OAS2: variants seen among roughly 807,000 people sequenced by gnomAD.
OAS2 encodes 2'-5'-oligoadenylate synthase 2.
OAS2 carries 67 observed loss-of-function variants against 71.3 expected under a neutral mutation model. That is an observed-to-expected ratio of 0.94 (90% CI 0.77 to 1.15). The LOEUF is 1.15. OAS2 is among the 50% of genes most tolerant of loss of function. The pLI, the probability that OAS2 is intolerant of heterozygous loss-of-function variation, is 0.00. For synonymous variants in OAS2, 327 were observed against 321.8 expected, an observed-to-expected ratio of 1.02 and a Z score of -0.17; for missense variants, 789 against 822.5, an observed-to-expected ratio of 0.96 and a Z score of 0.50.
intron 1 of OAS2, among the ~76,000 whole-genome samples, chr12:112,983,198 T>C (rs190830297): frequency 1.3e-5 from 2 of 152,256 alleles, no homozygotes; most frequent in East Asian, 3.9e-4. Context: ...TCTTTCCTTC[T>C]ACTAATTTTA....
intron 1 of OAS2, among the ~76,000 whole-genome samples, chr12:112,980,507 T>A (rs550970416): frequency 6.6e-6 from 1 of 152,354 alleles, no homozygotes; most frequent in South Asian, 2.1e-4. Context: ...TTTCTATGCC[T>A]GACTTATTTC....
At chr12:113,006,297 T>C in intron 7 of OAS2, 116 bp from the exon 8 acceptor site, 1 of 858,328 alleles carries the variant, frequency 1.2e-6, no homozygotes, top group Non-Finnish European at 1.7e-6. Flanking sequence ...CTTTTAAATA[T>C]GCTAATACTA....
At chr12:112,989,304 T>C (rs1182519288) in intron 2 of OAS2, among the ~76,000 whole-genome samples, 1 of 152,192 alleles carries the variant, frequency 6.6e-6, no homozygotes, top group African/African-American at 2.4e-5. Context: ...TCCCCAACCA[T>C]GTGGAACTGT....
At chr12:112,992,404 A>C (rs1418170839) in intron 2 of OAS2, among the ~76,000 whole-genome samples, 1 of 150,856 alleles carries the variant, frequency 6.6e-6, no homozygotes, top group Non-Finnish European at 1.5e-5. Flanking sequence ...AAAAAAAAAA[A>C]AGAAAGAAAG....
chr12:113,009,198 C>T lies in OAS2; in HGVS notation c.2007C>T (p.Phe669=). 1 of 1,614,080 alleles carries T rather than the reference C, an allele frequency of 6.2e-7. No individual in the cohort carries two copies. The highest frequency in any genetic ancestry group is 1.1e-5 in the South Asian group (1 of 91,078). ...AGGAATGGTTATCCTCTCCCTGCTTCAAGGATGGGACTGGAAACCCAATAC... is the reference window on the plus strand; with the variant it reads ...AGGAATGGTTATCCTCTCCCTGCTTTAAGGATGGGACTGGAAACCCAATAC... ...EAKEWLSSPC[F]KDGTGNPIPP... The change falls in exon 10 of 10, where the codon TTC becomes TTT. Residue 669 remains phenylalanine (F), a synonymous_variant. Transcript: ENST00000392583.
rs2044365699 is a variant in OAS2 at position 113,009,968 on chromosome 12, ATACT to A, written c.*718_*721del. 2.8e-5 allele frequency: 28 copies of A among 985,182 alleles called. 1 individual carries two copies. The South Asian group carries it at 1.2e-3, about 43-fold the overall frequency. The allele number at this position is 985,182 out of a possible 1,614,324, so 61.0% of individuals were successfully genotyped here. A position where few individuals can be genotyped will look rare whatever the true frequency, so the allele number is the denominator to read the frequency against. On this transcript the variant is annotated 3_prime_UTR_variant, in exon 10 of 10. Transcript: ENST00000392583. Reference sequence around the variant, plus strand: ...TTTAAAGCAGGATTTCTCAACTTTGATACTTACTCACATTTGGGGCTAGACAGTT... The same window carrying A: ...TTTAAAGCAGGATTTCTCAACTTTGATACTCACATTTGGGGCTAGACAGTT...
At chr12:112,984,073 T>C (rs1235691746) in intron 1 of OAS2, among the ~76,000 whole-genome samples, 1 of 152,240 alleles carries the variant, frequency 6.6e-6, no homozygotes, top group Admixed American at 6.5e-5. Flanking sequence ...CAGTATTTCT[T>C]TGCTGATTTT....
chr12:113,009,522 T>C lies in OAS2; in HGVS notation c.*267T>C. On this transcript the variant is annotated 3_prime_UTR_variant, in exon 10 of 10. Transcript: ENST00000392583. ...CTCTCCCAGTGACAACCAAAAGTCT[T>C]CAGACATTGTCAAACGTTCCCCTGG... is the stretch of plus-strand genomic sequence containing the variant. 1.8e-6 allele frequency: 2 copies of C among 1,140,382 alleles called. No homozygotes were observed. The highest frequency in any genetic ancestry group is 2.2e-6 in the Non-Finnish European group (2 of 929,984). The allele number at this position is 1,140,382 out of a possible 1,614,324, so 70.6% of individuals were successfully genotyped here.
intron 5 of OAS2, among the ~76,000 whole-genome samples, chr12:113,000,583 A>G (rs1343334842): frequency 6.6e-6 from 1 of 151,708 alleles, no homozygotes; most frequent in Admixed American, 6.6e-5. Flanking sequence ...ACACACGCAC[A>G]CACATACATG....
At chr12:113,001,079 C>G (rs981637342) in intron 5 of OAS2, among the ~76,000 whole-genome samples, 1 of 152,154 alleles carries the variant, frequency 6.6e-6, no homozygotes, top group African/African-American at 2.4e-5. Flanking sequence ...CACAGTGGCT[C>G]ACACCTGTAA....
At chr12:112,998,491 T>A in intron 5 of OAS2, 81 bp downstream of exon 5, 1 of 1,478,328 alleles carries the variant, frequency 6.8e-7, no homozygotes, top group Non-Finnish European at 9.2e-7. Context: ...TATCTGAGAG[T>A]ACTCTATATT....
chr12:112,996,985 C>A (rs796974732), intron 3 of OAS2, among the ~76,000 whole-genome samples: 15 of 152,304 alleles, frequency 9.8e-5, no homozygotes, highest in African/African-American at 3.6e-4. Flanking sequence ...TGAGGTCTAC[C>A]TGCCAGTGGA....
At position 112,984,798 on chromosome 12, in the gene OAS2, C is replaced by T. The variant is rs541210906; in HGVS notation, c.178-2240C>T. On this transcript the variant is annotated intron_variant, in intron 1 of 9. Coordinates refer to ENST00000392583, the MANE Select transcript of OAS2 (RefSeq NM_002535.3). ...GATGGTAGACATCATCCCTTTGCTT[C>T]CAGATGTAACACTCTCTTAAGCATT... Among the ~76,000 whole-genome samples the T allele has an allele frequency of 2.0e-5, 3 of 152,248 alleles. No individual in the cohort carries two copies. The South Asian group carries it at 6.2e-4, about 32-fold the overall frequency.
chr12:113,000,047 T>C (rs931576015), intron 5 of OAS2, among the ~76,000 whole-genome samples: 1 of 152,114 alleles, frequency 6.6e-6, no homozygotes, highest in Non-Finnish European at 1.5e-5. Context: ...ACCTGGCCCA[T>C]TGTTATAGTT....
At chr12:113,006,902 C>G (rs1307486445) in intron 8 of OAS2, among the ~76,000 whole-genome samples, 1 of 152,186 alleles carries the variant, frequency 6.6e-6, no homozygotes, top group African/African-American at 2.4e-5. Flanking sequence ...TTCACATGCC[C>G]ACACATTGCC....
rs965876966 is a variant in OAS2 at position 113,007,744 on chromosome 12, A to G, written c.1696A>G (p.Lys566Glu). ...GAAGCCAAAGGGGTCTTTGCCCCCA[A>G]AGTATGCCTTGGAGCTGCTCACCAT... ...KLKPKGSLPP[K>E]YALELLTIYA... Residue 566 changes from lysine (K) to glutamate (E), a missense_variant, in exon 9 of 10, where the codon AAG becomes GAG. By Grantham distance (56) the Lys-to-Glu change is moderately conservative (BLOSUM62 1). Coordinates refer to ENST00000392583, the MANE Select transcript of OAS2 (RefSeq NM_002535.3). 4.3e-6 allele frequency: 7 copies of G among 1,613,992 alleles called. No individual in the cohort carries two copies. In the Admixed American group the frequency reaches 8.3e-5, roughly 19 times the overall value.
Position 112,998,412 on chromosome 12 carries a change from T to C in OAS2, c.1008+2T>C, listed in dbSNP as rs1236415051. 5.0e-6 allele frequency: 8 copies of C among 1,606,970 alleles called. No homozygotes were observed. The highest frequency in any genetic ancestry group is 1.1e-5 in the South Asian group (1 of 89,554). On this transcript the variant is annotated splice_donor_variant, in intron 5 of 9. Coordinates refer to ENST00000392583, the MANE Select transcript of OAS2 (RefSeq NM_002535.3). LOFTEE classifies it high-confidence loss of function. ...CCTGCACCATCTTGGAATGTTCTGGTAAGAGGGTTTTCCAAATACAGGGTG... is the reference window on the plus strand; with the variant it reads ...CCTGCACCATCTTGGAATGTTCTGGCAAGAGGGTTTTCCAAATACAGGGTG...
At chr12:112,994,796 C>G (rs2044220545) in intron 2 of OAS2, among the ~76,000 whole-genome samples, 3 of 152,168 alleles carry the variant, frequency 2.0e-5, no homozygotes, top group Non-Finnish European at 4.4e-5. Flanking sequence ...GCCCCTGTCC[C>G]CAGACCTCCA....
chr12:112,985,149 C>G (rs1015548700), intron 1 of OAS2, among the ~76,000 whole-genome samples: 5 of 152,140 alleles, frequency 3.3e-5, no homozygotes, highest in Non-Finnish European at 7.4e-5. Flanking sequence ...GGGGTTGAAT[C>G]TATTTGAGAA....
Sources: gnomAD v4.1 joint callset for allele counts (sites outside exome capture counted in the v4.1 genomes callset) on GRCh38, gnomAD v4.1.1 for gene constraint, MANE v1.5 for transcripts, NCBI Gene and HGNC (gene_info 2026-07-23, HGNC 2026-07-21) for gene names.